The following RIMS2 variants were observed in gnomAD, a reference collection of about 807,000 sequenced individuals.
The protein encoded by RIMS2 is regulating synaptic membrane exocytosis protein 2.
In RIMS2, 59 loss-of-function variants were observed where a neutral mutation model predicts 174.4. The ratio of observed to expected loss-of-function variants is 0.34; its 90% CI spans 0.27 to 0.42. The LOEUF (loss-of-function observed/expected upper bound fraction) is 0.42. Among genes scored for constraint, RIMS2 ranks in the 10% least tolerant of loss-of-function variants. The pLI, the probability that RIMS2 is intolerant of heterozygous loss-of-function variation, is 1.00. For synonymous variants in RIMS2, 606 were observed against 572.5 expected, an observed-to-expected ratio of 1.06 and a Z score of -0.84; for missense variants, 1,620 against 1,666.3, an observed-to-expected ratio of 0.97 and a Z score of 0.48.
intron 2 of RIMS2, among the ~76,000 whole-genome samples, chr8:103,764,963 G>A (rs1474866358): frequency 6.6e-6 from 1 of 152,110 alleles, no homozygotes; most frequent in Non-Finnish European, 1.5e-5. Context: ...ACAATGTTGT[G>A]TGATAAGATC....
intron 19 of RIMS2, among the ~76,000 whole-genome samples, chr8:104,016,778 A>T (rs1389238690): frequency 1.3e-5 from 2 of 152,098 alleles, no homozygotes; most frequent in Non-Finnish European, 2.9e-5. Context: ...CTATTGAAAT[A>T]TAAGTAGCTC....
rs563309795 is a variant in RIMS2, at chr8:103,679,497, G to A, written c.177-17589G>A. On this transcript the variant is annotated intron_variant, in intron 1 of 23. Transcript: ENST00000504942. ...GGAGTAATAGAGGTAGTTAACTTTT[G>A]GAGAATATGAAAACACACTTATAAT... is the stretch of plus-strand genomic sequence containing the variant. Among the ~76,000 whole-genome samples the A allele has an allele frequency of 2.4e-3, 360 of 151,908 alleles. 1 individual carries two copies. The highest frequency in any genetic ancestry group is 3.4e-3 in the Middle Eastern group (1 of 294).
chr8:103,929,828 T>C (rs2154531406), intron 11 of RIMS2, among the ~76,000 whole-genome samples: 1 of 152,112 alleles, frequency 6.6e-6, no homozygotes, highest in East Asian at 1.9e-4. Context: ...AGCAAATATT[T>C]GAACTGTTTT....
chr8:103,768,219 C>A, intron 3 of RIMS2: 1 of 414,322 alleles, frequency 2.4e-6, no homozygotes, highest in Non-Finnish European at 4.5e-6. Context: ...GAATGAATGA[C>A]TAAGTAAAAT....
chr8:104,177,258 A>G (rs2098907100), intron 19 of RIMS2, among the ~76,000 whole-genome samples: 2 of 152,160 alleles, frequency 1.3e-5, no homozygotes, highest in African/African-American at 4.8e-5. Flanking sequence ...TAATTATGAA[A>G]TAAAGACAAA....
chr8:103,971,299 G>A (rs1004709187), intron 15 of RIMS2, among the ~76,000 whole-genome samples: 2 of 151,628 alleles, frequency 1.3e-5, no homozygotes, highest in Non-Finnish European at 2.9e-5. Flanking sequence ...CATAATTTGA[G>A]TTCTTGAATT....
intron 2 of RIMS2, among the ~76,000 whole-genome samples, chr8:103,729,226 C>T (rs1394241709): frequency 6.6e-6 from 1 of 152,074 alleles, no homozygotes; most frequent in Non-Finnish European, 1.5e-5. Context: ...TGCTGGGAAA[C>T]TTTTAATTAT....
chr8:104,008,901 A>G (rs1275217470), intron 17 of RIMS2, among the ~76,000 whole-genome samples: 3 of 152,066 alleles, frequency 2.0e-5, no homozygotes, highest in Non-Finnish European at 4.4e-5. Flanking sequence ...CCAAGGATAA[A>G]TTAATCTTCC....
At chr8:103,545,304 A>G (rs1291167178) in intron 1 of RIMS2, among the ~76,000 whole-genome samples, 1 of 152,206 alleles carries the variant, frequency 6.6e-6, no homozygotes, top group Non-Finnish European at 1.5e-5. Flanking sequence ...TCTCTGAAAT[A>G]ACTTAGAAAG....
chr8:103,800,778 T>C (rs1237596330), intron 3 of RIMS2, among the ~76,000 whole-genome samples: 4 of 152,146 alleles, frequency 2.6e-5, no homozygotes, highest in Admixed American at 2.0e-4. Flanking sequence ...GAGGGAGAGT[T>C]GTATGTAGTT....
intron 1 of RIMS2, among the ~76,000 whole-genome samples, chr8:103,507,346 C>T (rs1824179231): frequency 6.6e-6 from 1 of 151,998 alleles, no homozygotes; most frequent in Admixed American, 6.6e-5. Context: ...ATGGTCTGTC[C>T]ACTCTGCTAG....
At chr8:103,880,433 T>G (rs1244050208) in intron 3 of RIMS2, 2 of 348,856 alleles carry the variant, frequency 5.7e-6, no homozygotes, top group Non-Finnish European at 1.0e-5. Context: ...ACCTTTTTCT[T>G]AACAGGCCCA....
At position 103,885,982 on chromosome 8, in the gene RIMS2, T is replaced by A. The variant is rs1209690070; in HGVS notation, c.1383T>A (p.Asp461Glu). ...CACTACGGAAACAGCACCACTTAGA[T>A]CCTAGCTCTGCTGTAAGAAAAACAA... The change falls in exon 4 of 24, where the codon GAT (aspartate) becomes GAA (glutamate). Residue 461 changes from aspartate to glutamate, a missense_variant. Coordinates refer to ENST00000504942, the Ensembl canonical transcript of RIMS2. 4 of 1,612,672 alleles carry A rather than the reference T, an allele frequency of 2.5e-6. No individual in the cohort carries two copies. The African/African-American group carries it at 5.4e-5, about 22-fold the overall frequency.
chr8:103,687,495 C>A (rs1356104085), intron 1 of RIMS2, among the ~76,000 whole-genome samples: 17 of 152,028 alleles, frequency 1.1e-4, no homozygotes, highest in Admixed American at 5.9e-4. Context: ...CAGCTAATTA[C>A]CATATGCATT....
intron 3 of RIMS2, among the ~76,000 whole-genome samples, chr8:103,813,064 A>C (rs772468313): frequency 1.3e-5 from 2 of 152,190 alleles, no homozygotes; most frequent in Non-Finnish European, 2.9e-5. Flanking sequence ...GTTATAGATG[A>C]TACATATTGT....
At chr8:104,159,915 G>A (rs986055123) in intron 19 of RIMS2, among the ~76,000 whole-genome samples, 7 of 152,110 alleles carry the variant, frequency 4.6e-5, no homozygotes, top group Non-Finnish European at 7.4e-5. Context: ...AAGGCGGGCC[G>A]ATCAACTGAG....
chr8:103,947,931 G>T (rs1380872034), intron 14 of RIMS2, among the ~76,000 whole-genome samples: 2 of 152,052 alleles, frequency 1.3e-5, no homozygotes, highest in African/African-American at 4.8e-5. Flanking sequence ...ATGTTTATTT[G>T]TGAGTCATAT....
intron 3 of RIMS2, among the ~76,000 whole-genome samples, chr8:103,846,358 G>T (rs1204629882): frequency 2.0e-5 from 3 of 152,148 alleles, no homozygotes; most frequent in African/African-American, 7.2e-5. Context: ...AGGGAATGGA[G>T]TGAAGCAGGA....
rs890251943 is a variant in RIMS2 at position 103,836,110 on chromosome 8, T to G, written c.699-49188T>G. On this transcript the variant is annotated intron_variant, in intron 3 of 23. Coordinates refer to ENST00000504942, the Ensembl canonical transcript of RIMS2. ...ACAGAGGGAATTTTTAAAGGAAATT[T>G]GATTTAGGGTTGTAGTGAGAATGAG... 4.1e-4 allele frequency among the ~76,000 whole-genome samples: 62 copies of G among 152,198 alleles called. 1 individual carries two copies. Among genetic ancestry groups the G allele is most frequent in the Non-Finnish European group, 1.2e-4 (8 of 68,044 alleles).
Sources: gnomAD v4.1 joint callset for allele counts (sites outside exome capture counted in the v4.1 genomes callset) on GRCh38, gnomAD v4.1.1 for gene constraint, MANE v1.5 for transcripts, NCBI Gene and HGNC (gene_info 2026-07-23, HGNC 2026-07-21) for gene names.